The following PACRG variants were observed in gnomAD, a reference collection of about 807,000 sequenced individuals.
PACRG encodes the protein parkin coregulated, also known as parkin coregulated gene protein.
PACRG carries 29 observed loss-of-function variants against 29.7 expected under a neutral mutation model. The ratio of observed to expected loss-of-function variants is 0.98; its 90% confidence interval spans 0.73 to 1.33. The LOEUF is 1.33. PACRG is among the 40% of genes most tolerant of loss of function. The pLI, the probability that PACRG is intolerant of heterozygous loss-of-function variation, is 0.00. For missense variants in PACRG, 279 were observed against 316.2 expected (o/e 0.88, Z 0.89); for synonymous variants, 116 against 118.7 (o/e 0.98, Z 0.15).
At chr6:163,306,689 T>A (rs535967824) in intron 4 of PACRG, among the ~76,000 whole-genome samples, 13 of 152,332 alleles carry the variant, frequency 8.5e-5, no homozygotes, top group African/African-American at 3.1e-4. Flanking sequence ...TTTTCAGGTT[T>A]TCTTAGAACT....
chr6:163,055,414 G>A lies in PACRG; in HGVS notation c.292-6736G>A, dbSNP rs1010993712. ...CATATATACACACGTGCACACACACGCAAACAAGCGCCTGAGGATAAACGT... is the reference window on the plus strand; with the variant it reads ...CATATATACACACGTGCACACACACACAAACAAGCGCCTGAGGATAAACGT... On this transcript the variant is annotated intron_variant, in intron 2 of 4. Coordinates refer to ENST00000366888, the MANE Select transcript of PACRG (RefSeq NM_001080379.2). This position sits in a 1 kb window ranked among gnomAD's most constrained non-coding sequence, Gnocchi z 4.0. Among the ~76,000 whole-genome samples, 6 of 151,764 alleles carry A rather than the reference G, an allele frequency of 4.0e-5. No homozygotes were observed. The highest frequency in any genetic ancestry group is 2.1e-4 in the South Asian group (1 of 4,798).
At chr6:163,000,699 G>A (rs1033448756) in intron 2 of PACRG, among the ~76,000 whole-genome samples, 6 of 152,250 alleles carry the variant, frequency 3.9e-5, no homozygotes, top group South Asian at 2.1e-4. Context: ...GGAAATTCAC[G>A]TGATCGTCAT....
At chr6:163,267,173 GCT>G (rs1783560839) in intron 4 of PACRG, among the ~76,000 whole-genome samples, 1 of 152,140 alleles carries the variant, frequency 6.6e-6, no homozygotes, top group Non-Finnish European at 1.5e-5. Flanking sequence ...ACTCGTTGGT[GCT>G]GGGTAGGCAG....
At chr6:162,984,306 T>C (rs1394779360) in intron 2 of PACRG, among the ~76,000 whole-genome samples, 1 of 152,090 alleles carries the variant, frequency 6.6e-6, no homozygotes, top group East Asian at 1.9e-4. Flanking sequence ...TCTCCTAGAA[T>C]AATAGTCTCC....
At chr6:162,997,350 C>T (rs1340350984) in intron 2 of PACRG, 1 of 437,662 alleles carries the variant, frequency 2.3e-6, no homozygotes, top group Non-Finnish European at 4.5e-6. Flanking sequence ...GGTTTATTTG[C>T]TTATATTAGT....
chr6:163,199,881 T>C lies in PACRG; in HGVS notation c.613+110473T>C, dbSNP rs190239360. 2.0e-5 allele frequency among the ~76,000 whole-genome samples: 3 copies of C among 152,326 alleles called. No individual in the cohort carries two copies. In the East Asian group the frequency reaches 5.8e-4, roughly 29 times the overall value. On this transcript the variant is annotated intron_variant, in intron 4 of 4. Transcript: ENST00000366888. ...ATACATAGATAGCTACAAACACAAA[T>C]ACATATTTGTATATACTGTGAGGGT...
At chr6:162,746,164 C>T (rs566635160) in intron 1 of PACRG, among the ~76,000 whole-genome samples, 73 of 152,166 alleles carry the variant, frequency 4.8e-4, no homozygotes, top group African/African-American at 1.7e-3. Flanking sequence ...ATATATTTCA[C>T]AGGTTGTCTA....
intron 2 of PACRG, among the ~76,000 whole-genome samples, chr6:162,848,202 T>A (rs1790570132): frequency 6.6e-6 from 1 of 152,160 alleles, no homozygotes; most frequent in Non-Finnish European, 1.5e-5. Flanking sequence ...AGCATTCAAA[T>A]CTCAACTTTC....
chr6:162,801,089 CTG>C (rs1785818984), intron 1 of PACRG, among the ~76,000 whole-genome samples: 1 of 152,166 alleles, frequency 6.6e-6, no homozygotes, highest in African/African-American at 2.4e-5. Flanking sequence ...TAGTACCAAA[CTG>C]TGCTAAATCT....
intron 2 of PACRG, among the ~76,000 whole-genome samples, chr6:162,948,643 CAAAG>C (rs1196914309): frequency 1.3e-5 from 2 of 151,976 alleles, no homozygotes; most frequent in Non-Finnish European, 2.9e-5. Context: ...ATTCATCTGA[CAAAG>C]AACTAATATT....
At position 162,948,279 on chromosome 6, in the gene PACRG, CA is replaced by C. The variant is rs542335140; in HGVS notation, c.292-113869del. On this transcript the variant is annotated intron_variant, in intron 2 of 4. Coordinates refer to ENST00000366888, the MANE Select transcript of PACRG (RefSeq NM_001080379.2). ...AGATGATTTTTGACATAGGTGCCAA[CA>C]ACATACATAGGGGGAAAACACACTC... Among the ~76,000 whole-genome samples the C allele has an allele frequency of 3.9e-5, 6 of 152,092 alleles. No individual in the cohort carries two copies. In the East Asian group the frequency reaches 1.2e-3, roughly 29 times the overall value.
At chr6:162,919,109 G>T (rs1452312635) in intron 2 of PACRG, among the ~76,000 whole-genome samples, 3 of 152,126 alleles carry the variant, frequency 2.0e-5, no homozygotes, top group Non-Finnish European at 4.4e-5. Flanking sequence ...AATACCATTT[G>T]GGATGAGCTT....
intron 4 of PACRG, among the ~76,000 whole-genome samples, chr6:163,206,738 G>A (rs1585332013): frequency 6.6e-6 from 1 of 152,296 alleles, no homozygotes; most frequent in East Asian, 1.9e-4. Flanking sequence ...TCAGACTCTT[G>A]GAGAAGCTGT....
intron 4 of PACRG, among the ~76,000 whole-genome samples, chr6:163,269,955 G>GAAAGAAAGAAAAC (rs1783742360): frequency 2.0e-5 from 1 of 49,284 alleles, no homozygotes; most frequent in South Asian, 7.8e-4. Flanking sequence ...AAGAAAGAAA[G>GAAAGAAAGAAAAC]AAAGAAAGAA....
intron 2 of PACRG, among the ~76,000 whole-genome samples, chr6:162,872,098 T>A (rs1376639519): frequency 6.6e-6 from 1 of 152,194 alleles, no homozygotes; most frequent in Non-Finnish European, 1.5e-5. Context: ...TTTTCCATCT[T>A]ATAGATAAGG....
intron 2 of PACRG, among the ~76,000 whole-genome samples, chr6:162,838,202 G>A (rs1360594630): frequency 6.6e-6 from 1 of 152,100 alleles, no homozygotes; most frequent in Admixed American, 6.5e-5. Context: ...ATAATCCTCT[G>A]AATCTCCGTG....
At chr6:162,862,163 A>G (rs1234672661) in intron 2 of PACRG, among the ~76,000 whole-genome samples, 1 of 152,210 alleles carries the variant, frequency 6.6e-6, no homozygotes, top group Non-Finnish European at 1.5e-5. Context: ...AAAGTTTGGA[A>G]GGTGTTTCAA....
rs115265660 is a variant in PACRG, at chr6:163,085,565, C to G, written c.464-3694C>G. Among the ~76,000 whole-genome samples, 557 of 152,314 alleles carry G rather than the reference C, an allele frequency of 3.7e-3. 4 individuals carry two copies. The highest frequency in any genetic ancestry group is 0.012 in the African/African-American group (510 of 41,584). Reference sequence around the variant, plus strand: ...CACATCCAGTCAGGGTATCTTTCTACTATCTCTTGAATCCCCCAGGGGAAT... The same window carrying G: ...CACATCCAGTCAGGGTATCTTTCTAGTATCTCTTGAATCCCCCAGGGGAAT... On this transcript the variant is annotated intron_variant, in intron 3 of 4. Transcript: ENST00000366888.
At chr6:162,782,821 T>C (rs1242034001) in intron 1 of PACRG, among the ~76,000 whole-genome samples, 3 of 151,852 alleles carry the variant, frequency 2.0e-5, no homozygotes, top group Non-Finnish European at 4.4e-5. Context: ...AGCAAAGTTT[T>C]AGGAAAAATA....
Sources: gnomAD v4.1 joint callset for allele counts (sites outside exome capture counted in the v4.1 genomes callset) on GRCh38, gnomAD v4.1.1 for gene constraint, Gnocchi (gnomAD v3.1) non-coding constraint, MANE v1.5 for transcripts, NCBI Gene and HGNC (gene_info 2026-07-23, HGNC 2026-07-21) for gene names.